ITGBL1: variants seen among roughly 807,000 people sequenced by gnomAD.
The protein encoded by ITGBL1 is integrin subunit beta like 1.
Under a neutral mutation model 68.5 loss-of-function variants are expected in ITGBL1, and 51 were observed. The observed-to-expected ratio is 0.74, with a 90% CI of 0.59 to 0.94. The LOEUF (loss-of-function observed/expected upper bound fraction) is 0.94, where lower values mean the gene tolerates loss of function less well. Ranked by LOEUF, ITGBL1 falls within the 40% of genes least tolerant of loss-of-function variation. The pLI, the probability that ITGBL1 is intolerant of heterozygous loss-of-function variation, is 0.00. For synonymous variants in ITGBL1, 209 were observed against 227.3 expected (o/e 0.92, Z 0.72); for missense variants, 649 against 647.4 (o/e 1.00, Z -0.03).
chr13:101,568,218 G>A (rs376591616), intron 3 of ITGBL1, among the ~76,000 whole-genome samples: 6 of 151,942 alleles, frequency 3.9e-5, no homozygotes, highest in Non-Finnish European at 7.4e-5. Context: ...TTTTACCTTC[G>A]CAAAATAGAA....
intron 2 of ITGBL1, among the ~76,000 whole-genome samples, chr13:101,553,248 T>G (rs868295275): frequency 5.9e-5 from 9 of 152,202 alleles, no homozygotes; most frequent in African/African-American, 2.2e-4. Flanking sequence ...TATATACTTT[T>G]GTTAAGAACT....
intron 2 of ITGBL1, among the ~76,000 whole-genome samples, chr13:101,514,072 A>G (rs2049157775): frequency 6.6e-6 from 1 of 152,044 alleles, no homozygotes; most frequent in South Asian, 2.1e-4. Context: ...AAACACAAAC[A>G]CATGTTCTGT....
intron 7 of ITGBL1, among the ~76,000 whole-genome samples, chr13:101,671,992 G>C (rs1045681861): frequency 6.6e-6 from 1 of 152,074 alleles, no homozygotes; most frequent in Non-Finnish European, 1.5e-5. Context: ...AGCCTGCCTT[G>C]GTTTGACTTT....
At chr13:101,524,135 T>TA (rs1189504858) in intron 2 of ITGBL1, among the ~76,000 whole-genome samples, 2 of 151,634 alleles carry the variant, frequency 1.3e-5, no homozygotes, top group Non-Finnish European at 2.9e-5. Context: ...TTTAATTTTT[T>TA]TTTTTTTTTA....
At chr13:101,490,606 T>G (rs930642106) in intron 2 of ITGBL1, among the ~76,000 whole-genome samples, 15 of 152,290 alleles carry the variant, frequency 9.8e-5, no homozygotes, top group Admixed American at 9.2e-4. Context: ...GAGCTGAGTC[T>G]TGAAGAGTAA....
chr13:101,616,756 G>A (rs1184425322), intron 7 of ITGBL1, among the ~76,000 whole-genome samples: 6 of 152,174 alleles, frequency 3.9e-5, no homozygotes, highest in Admixed American at 3.3e-4. Context: ...CTCCCAAAGT[G>A]CTGGGATTAC....
intron 3 of ITGBL1, among the ~76,000 whole-genome samples, chr13:101,569,536 G>A (rs187931015): frequency 2.1e-4 from 32 of 152,170 alleles, no homozygotes; most frequent in Admixed American, 7.9e-4. Flanking sequence ...GTCCTGTATA[G>A]CGTTTTCCTC....
Position 101,583,287 on chromosome 13 carries a change from G to C in ITGBL1, c.799G>C (p.Asp267His). The change falls in exon 6 of 11, where the codon GAC becomes CAC. Residue 267 changes from aspartate (D) to histidine (H), a missense_variant. Coordinates refer to ENST00000376180, the MANE Select transcript of ITGBL1 (RefSeq NM_004791.3). ...PTGDWGDIHG[D>H]TCECDERDCR... Reference sequence around the variant, plus strand: ...TGGGGACTGGGGAGATATTCATGGGGACACCTGTGAATGTGATGAGAGGGA... The same window carrying C: ...TGGGGACTGGGGAGATATTCATGGGCACACCTGTGAATGTGATGAGAGGGA... 1 of 1,612,684 alleles carries C rather than the reference G, an allele frequency of 6.2e-7. No homozygotes were observed. The highest frequency in any genetic ancestry group is 8.5e-7 in the Non-Finnish European group (1 of 1,179,000).
At chr13:101,579,459 G>T in intron 5 of ITGBL1, 32 bp downstream of exon 5, 1 of 1,602,542 alleles carries the variant, frequency 6.2e-7, no homozygotes. Flanking sequence ...CTACATAATG[G>T]GGAGGCAAAC....
At chr13:101,614,687 G>GAGA (rs1208480154) in intron 7 of ITGBL1, among the ~76,000 whole-genome samples, 3 of 152,098 alleles carry the variant, frequency 2.0e-5, no homozygotes, top group African/African-American at 7.2e-5. Context: ...CGACACTTCT[G>GAGA]AGAAGTGAGG....
chr13:101,628,958 G>T (rs987987920), intron 7 of ITGBL1, among the ~76,000 whole-genome samples: 1 of 152,036 alleles, frequency 6.6e-6, no homozygotes, highest in African/African-American at 2.4e-5. Flanking sequence ...GTTTCTAACA[G>T]TTTTTATGTC....
chr13:101,670,297 T>C (rs1167890034), intron 7 of ITGBL1, among the ~76,000 whole-genome samples: 1 of 152,228 alleles, frequency 6.6e-6, no homozygotes, highest in Non-Finnish European at 1.5e-5. Context: ...TATCTTTTCA[T>C]TGGGTTCAAC....
At chr13:101,612,231 G>C (rs1319701824) in intron 7 of ITGBL1, among the ~76,000 whole-genome samples, 1 of 152,152 alleles carries the variant, frequency 6.6e-6, no homozygotes, top group African/African-American at 2.4e-5. Context: ...AAATGGCCTG[G>C]CATGGTACAG....
intron 7 of ITGBL1, among the ~76,000 whole-genome samples, chr13:101,660,032 G>A (rs1176914452): frequency 1.3e-5 from 2 of 152,170 alleles, no homozygotes; most frequent in Non-Finnish European, 2.9e-5. Flanking sequence ...ATTGTAGGGT[G>A]TTTAGGAGCC....
chr13:101,461,294 A>G (rs1234373939), intron 2 of ITGBL1, among the ~76,000 whole-genome samples: 1 of 152,198 alleles, frequency 6.6e-6, no homozygotes, highest in East Asian at 1.9e-4. Context: ...TCTTGATATC[A>G]TAAACCCCCA....
At chr13:101,604,889 C>T (rs868364773) in intron 7 of ITGBL1, among the ~76,000 whole-genome samples, 12 of 52,354 alleles carry the variant, frequency 2.3e-4, no homozygotes, top group Admixed American at 4.3e-4. Context: ...TATATATATA[C>T]ACACACACAC....
Position 101,491,177 on chromosome 13 carries a change from A to G in ITGBL1, c.316+37077A>G, listed in dbSNP as rs372523814. Among the ~76,000 whole-genome samples, 7 of 152,268 alleles carry G rather than the reference A, an allele frequency of 4.6e-5. No homozygotes were observed. In the East Asian group the frequency reaches 1.3e-3, roughly 29 times the overall value. ...AACTCTGTCTGCTTCTCTGTCTGTG[A>G]TTAAAGATTATGAATAAAATGCATC... On this transcript the variant is annotated intron_variant, in intron 2 of 10. Coordinates refer to ENST00000376180, the MANE Select transcript of ITGBL1 (RefSeq NM_004791.3).
At chr13:101,532,103 GTA>G (rs1566718735) in intron 2 of ITGBL1, among the ~76,000 whole-genome samples, 1 of 151,938 alleles carries the variant, frequency 6.6e-6, no homozygotes, top group Non-Finnish European at 1.5e-5. Flanking sequence ...AATAAGTTGT[GTA>G]TCTGTATTTA....
chr13:101,585,880 C>T (rs147858069), intron 6 of ITGBL1, among the ~76,000 whole-genome samples: 1 of 152,246 alleles, frequency 6.6e-6, no homozygotes, highest in African/African-American at 2.4e-5. Flanking sequence ...GGTATTCACT[C>T]TCTTGTGAAA....
Sources: allele counts gnomAD v4.1 joint callset (sites outside exome capture counted in the v4.1 genomes callset), GRCh38; gene constraint gnomAD v4.1.1; transcripts MANE v1.5; gene names NCBI Gene and HGNC (gene_info 2026-07-23, HGNC 2026-07-21).